Variants in CNGB3 observed in about 807,000 individuals in gnomAD.
The protein encoded by CNGB3 is cyclic nucleotide-gated channel beta-3.
Under a neutral mutation model 92.8 loss-of-function variants are expected in CNGB3, and 86 were observed. The observed-to-expected ratio is 0.93, with a 90% CI of 0.78 to 1.11. The LOEUF (loss-of-function observed/expected upper bound fraction) is 1.11. Ranked by LOEUF, CNGB3 falls within the 50% of genes least tolerant of loss-of-function variation. The probability of loss-of-function intolerance (pLI) is 0.00; values close to 1 mark genes in which losing one functional copy is unlikely to be tolerated. For synonymous variants in CNGB3, 333 were observed against 332.7 expected (o/e 1.00, Z -0.01); for missense variants, 1,026 against 956.8 (o/e 1.07, Z -0.95).
chr8:86,629,532 C>T (rs960384928), intron 11 of CNGB3, among the ~76,000 whole-genome samples: 4 of 152,142 alleles, frequency 2.6e-5, no homozygotes, highest in Non-Finnish European at 5.9e-5. Context: ...AATGGCTAGT[C>T]CATTTTGGTG....
intron 4 of CNGB3, 95 bp downstream of exon 4, chr8:86,670,849 G>T (rs1823844737): frequency 7.8e-7 from 1 of 1,279,218 alleles, no homozygotes; most frequent in African/African-American, 1.5e-5. Context: ...ATTTTCTCAG[G>T]GTCTGCTTTT....
At chr8:86,726,105 T>A (rs1825056811) in intron 3 of CNGB3, among the ~76,000 whole-genome samples, 1 of 152,202 alleles carries the variant, frequency 6.6e-6, no homozygotes, top group Non-Finnish European at 1.5e-5. Flanking sequence ...CTTTCTTTAG[T>A]GGATAAAAGG....
At chr8:86,694,478 A>C (rs1380938901) in intron 3 of CNGB3, among the ~76,000 whole-genome samples, 1 of 135,550 alleles carries the variant, frequency 7.4e-6, no homozygotes, top group Non-Finnish European at 1.6e-5. Flanking sequence ...TGGCTGCCGG[A>C]CGGAGGGTCT....
intron 6 of CNGB3, chr8:86,659,416 C>G: frequency 1.4e-6 from 1 of 695,276 alleles, no homozygotes; most frequent in African/African-American, 1.8e-5. Flanking sequence ...GCTTCTTTTG[C>G]AGATCCTCCA....
At position 86,690,830 on chromosome 8, in the gene CNGB3, T is replaced by G. The variant is rs1470413121; in HGVS notation, c.339-19732A>C. On this transcript the variant is annotated intron_variant, in intron 3 of 17. Coordinates refer to ENST00000320005, the MANE Select transcript of CNGB3 (RefSeq NM_019098.5). ...TTAAATAGGGAATCCTTTCCCCATT[T>G]CTTGTTTTTGTCAGGTTTGTCAAAG... 5.9e-5 allele frequency among the ~76,000 whole-genome samples: 9 copies of G among 152,124 alleles called. No individual in the cohort carries two copies. The East Asian group carries it at 9.6e-4, about 16-fold the overall frequency.
At chr8:86,740,851 G>A (rs1825328375) in intron 1 of CNGB3, among the ~76,000 whole-genome samples, 1 of 152,070 alleles carries the variant, frequency 6.6e-6, no homozygotes, top group Non-Finnish European at 1.5e-5. Context: ...TAGCTAGAAA[G>A]GTATAAGTCC....
intron 15 of CNGB3, among the ~76,000 whole-genome samples, chr8:86,587,119 G>A (rs1450972734): frequency 1.1e-3 from 163 of 145,318 alleles, no homozygotes; most frequent in African/African-American, 3.6e-3. Flanking sequence ...GTGTTTTTTG[G>A]CTGCATAAAT....
At chr8:86,699,288 T>A (rs887448825) in intron 3 of CNGB3, among the ~76,000 whole-genome samples, 3 of 152,074 alleles carry the variant, frequency 2.0e-5, no homozygotes, top group African/African-American at 7.2e-5. Context: ...TATATAATAA[T>A]AATTTAGATA....
At chr8:86,613,533 G>T (rs1215628513) in intron 13 of CNGB3, among the ~76,000 whole-genome samples, 1 of 152,104 alleles carries the variant, frequency 6.6e-6, no homozygotes, top group Non-Finnish European at 1.5e-5. Context: ...AAATATGCTT[G>T]GAAGTTCTTG....
chr8:86,726,772 A>G (rs1279375702), intron 2 of CNGB3, 115 bp from the exon 3 acceptor site: 4 of 1,201,576 alleles, frequency 3.3e-6, no homozygotes, highest in East Asian at 4.7e-5. Context: ...CTTCTCAAGA[A>G]CACCTCCCCT....
chr8:86,635,821 GATATATATATATATAT>G (rs57486853), intron 10 of CNGB3, among the ~76,000 whole-genome samples: 33 of 60,596 alleles, frequency 5.4e-4, no homozygotes, highest in Admixed American at 1.7e-3. Flanking sequence ...TATAACACAT[GATATATATATATATAT>G]ATATATATAT....
At chr8:86,604,031 C>T in intron 15 of CNGB3, 62 bp downstream of exon 15, 1 of 1,100,090 alleles carries the variant, frequency 9.1e-7, no homozygotes, top group Non-Finnish European at 1.4e-6. Context: ...ATTTTACTAC[C>T]TAAGACTTTT....
rs145666020 is a variant in CNGB3 at position 86,595,454 on chromosome 8, T to C, written c.1781+8639A>G. 5.0e-4 allele frequency among the ~76,000 whole-genome samples: 76 copies of C among 152,360 alleles called. 1 individual carries two copies. The highest frequency in any genetic ancestry group is 1.8e-3 in the African/African-American group (74 of 41,584). The stretch of plus-strand genomic sequence containing the variant: ...GATTGTATATTTGTTCAGTGGGATA[T>C]TGTGGGACTTAGATGAGGTATACTT... On this transcript the variant is annotated intron_variant, in intron 15 of 17. Transcript: ENST00000320005.
chr8:86,643,805 G>A lies in CNGB3; in HGVS notation c.1124C>T (p.Ser375Leu), dbSNP rs1201421741. The A allele has an allele frequency of 3.7e-6, 6 of 1,606,698 alleles. No homozygotes were observed. Among genetic ancestry groups the A allele is most frequent in the Non-Finnish European group, 4.3e-6 (5 of 1,175,708 alleles). ...AGTAGTGCCAATTCCTTCATAGTTTGAAGCCCAGTAATAAACACAGGCATT... is the reference window on the plus strand; with the variant it reads ...AGTAGTGCCAATTCCTTCATAGTTTAAAGCCCAGTAATAAACACAGGCATT... Reference protein sequence around the residue: ...HINACVYYWASNYEGIGTTRW... With the variant: ...HINACVYYWALNYEGIGTTRW... Residue 375 changes from serine (S) to leucine (L), a missense_variant, in exon 10 of 18, where the codon TCA (serine) becomes TTA (leucine). By Grantham distance (145) the Ser-to-Leu change is moderately radical. Transcript: ENST00000320005.
intron 16 of CNGB3, 104 bp from the exon 17 acceptor site, chr8:86,578,967 T>C (rs1300892920): frequency 3.3e-6 from 5 of 1,525,106 alleles, no homozygotes; most frequent in Non-Finnish European, 4.5e-6. Context: ...TTTCAATGGG[T>C]ACCTACATTA....
At chr8:86,608,033 T>G (rs766595432) in intron 14 of CNGB3, among the ~76,000 whole-genome samples, 50 of 152,306 alleles carry the variant, frequency 3.3e-4, no homozygotes, top group Non-Finnish European at 6.0e-4. Context: ...TACTCTCCTG[T>G]GGGCGGCAAG....
rs190679631 is a variant in CNGB3, at chr8:86,591,977, C to G, written c.1781+12116G>C. Among the ~76,000 whole-genome samples, 311 of 152,340 alleles carry G rather than the reference C, an allele frequency of 2.0e-3. 1 individual carries two copies. The highest frequency in any genetic ancestry group is 7.2e-3 in the African/African-American group (301 of 41,592). On this transcript the variant is annotated intron_variant, in intron 15 of 17. Coordinates refer to ENST00000320005, the MANE Select transcript of CNGB3 (RefSeq NM_019098.5). ...TGCAGTTTGATCTCAGACTGCTGTG[C>G]TAGCAATCAGCGAGACTCCGTGGGC... is the stretch of plus-strand genomic sequence containing the variant.
chr8:86,732,981 C>T (rs1220533265), intron 2 of CNGB3, among the ~76,000 whole-genome samples: 2 of 152,088 alleles, frequency 1.3e-5, no homozygotes, highest in African/African-American at 2.4e-5. Context: ...GTGAATGATC[C>T]TGTCACACAG....
intron 3 of CNGB3, among the ~76,000 whole-genome samples, chr8:86,701,735 G>A (rs1410757362): frequency 2.6e-5 from 4 of 152,008 alleles, no homozygotes; most frequent in Non-Finnish European, 5.9e-5. Flanking sequence ...ATTTTATTTT[G>A]TAAATAATTC....
Sources: gnomAD v4.1 joint callset for allele counts (sites outside exome capture counted in the v4.1 genomes callset) on GRCh38, gnomAD v4.1.1 for gene constraint, MANE v1.5 for transcripts, NCBI Gene and HGNC (gene_info 2026-07-23, HGNC 2026-07-21) for gene names.